MROH1: variants seen among roughly 807,000 people sequenced by gnomAD.
The protein encoded by MROH1 is maestro heat-like repeat-containing protein family member 1.
MROH1 carries 117 observed loss-of-function variants against 116.5 expected under a neutral mutation model. That is an observed-to-expected ratio of 1.00 (90% confidence interval 0.86 to 1.17). MROH1 has a LOEUF of 1.17. Among genes scored for constraint, MROH1 ranks in the 50% most tolerant of loss-of-function variants. MROH1 has a pLI of 0.00. For synonymous variants in MROH1, 921 were observed against 583.9 expected (o/e 1.58, Z -8.32); for missense variants, 1,873 against 1,338.5 (o/e 1.40, Z -6.23).
chr8:144,234,949 A>G (rs1307118360), intron 14 of MROH1, among the ~76,000 whole-genome samples: 5 of 137,748 alleles, frequency 3.6e-5, no homozygotes, highest in African/African-American at 5.6e-5. Context: ...CTGCAGTGCA[A>G]TGGCACCCTC....
At chr8:144,244,990 G>A (rs928010848) in intron 28 of MROH1, among the ~76,000 whole-genome samples, 166 bp from the exon 29 acceptor site, 5 of 152,188 alleles carry the variant, frequency 3.3e-5, no homozygotes, top group African/African-American at 4.8e-5. Flanking sequence ...AGGGCCAGAG[G>A]AGCTACGGTG....
intron 1 of MROH1, among the ~76,000 whole-genome samples, chr8:144,160,466 T>C (rs1263087333): frequency 6.6e-6 from 1 of 152,254 alleles, no homozygotes; most frequent in Non-Finnish European, 1.5e-5. Flanking sequence ...TTTGTCTTAG[T>C]TTTCTAATGC....
intron 12 of MROH1, among the ~76,000 whole-genome samples, chr8:144,206,685 A>T (rs534331747): frequency 6.6e-6 from 1 of 150,716 alleles, no homozygotes; most frequent in African/African-American, 2.4e-5. Context: ...CGGTCTCCCA[A>T]AGTGCTGGGA....
chr8:144,261,010 G>A lies in MROH1; in HGVS notation c.4640G>A (p.Gly1547Glu). The change falls in exon 41 of 44, where the codon GGG becomes GAG. Residue 1547 changes from glycine (G) to glutamate (E), a missense_variant. Coordinates refer to ENST00000326134, the MANE Select transcript of MROH1 (RefSeq NM_032450.3). ...HLQEGRALHF[G>E]EFLNTTCKHL... ...CAGGAGGGCCGAGCCCTGCACTTCGGGGAGTTCCTCAACACCACCTGCAAG... is the reference window on the plus strand; with the variant it reads ...CAGGAGGGCCGAGCCCTGCACTTCGAGGAGTTCCTCAACACCACCTGCAAG... 1.3e-6 allele frequency: 1 copy of A among 776,658 alleles called. No individual in the cohort carries two copies. The highest frequency in any genetic ancestry group is 1.3e-5 in the South Asian group (1 of 74,432). 48.1% of individuals were successfully genotyped at this position (776,658 alleles called of 1,614,324 possible).
At chr8:144,205,517 G>C (rs116730203) in intron 12 of MROH1, among the ~76,000 whole-genome samples, 1 of 148,594 alleles carries the variant, frequency 6.7e-6, no homozygotes, top group East Asian at 2.0e-4. Context: ...CATATATATA[G>C]ACACACACAC....
At chr8:144,235,051 C>T (rs560086052) in intron 14 of MROH1, among the ~76,000 whole-genome samples, 1 of 151,716 alleles carries the variant, frequency 6.6e-6, no homozygotes, top group African/African-American at 2.4e-5. Context: ...CGCCACCATG[C>T]CCAGCTGATT....
intron 3 of MROH1, among the ~76,000 whole-genome samples, chr8:144,164,918 G>A (rs1432713306): frequency 6.6e-6 from 1 of 152,174 alleles, no homozygotes; most frequent in Non-Finnish European, 1.5e-5. Flanking sequence ...ACTCATAGAT[G>A]GAGTCTCTTG....
rs1841553346 is a variant in MROH1 at position 144,244,533 on chromosome 8, G to T, written c.2760G>T (p.Met920Ile). 2.6e-6 allele frequency: 2 copies of T among 763,472 alleles called. No individual in the cohort carries two copies. The highest frequency in any genetic ancestry group is 1.8e-5 in the Admixed American group (1 of 57,058). The allele number at this position is 763,472 out of a possible 1,614,324, so 47.3% of individuals were successfully genotyped here. A position where few individuals can be genotyped will look rare whatever the true frequency, so the allele number is the denominator to read the frequency against. The change falls in exon 28 of 44, where the codon ATG (methionine) becomes ATT (isoleucine). Residue 920 changes from methionine (M) to isoleucine (I), a missense_variant. By Grantham distance (10) the Met-to-Ile change is conservative. Transcript: ENST00000326134. ...TGACCCCCCAAGGCCTGCAGATCAT[G>T]ATTGAGGTGTGCAGGGGGGAACTGT... The part of the protein sequence containing the change: ...RNMTPQGLQI[M>I]IEHLSPWIKS...
At chr8:144,197,027 G>A (rs76840368) in intron 10 of MROH1, among the ~76,000 whole-genome samples, 5 of 151,992 alleles carry the variant, frequency 3.3e-5, no homozygotes, top group Middle Eastern at 3.2e-3. Flanking sequence ...CCCAGGAGGC[G>A]GAGGTTGCAG....
chr8:144,174,576 C>T (rs1050746910), intron 4 of MROH1, among the ~76,000 whole-genome samples: 2 of 151,622 alleles, frequency 1.3e-5, no homozygotes, highest in South Asian at 2.1e-4. Context: ...CTTGATCTCC[C>T]GTACACAAGT....
At chr8:144,245,306 C>T (rs1207478689) in intron 29 of MROH1, 46 bp downstream of exon 29, 3 of 768,230 alleles carry the variant, frequency 3.9e-6, no homozygotes, top group Non-Finnish European at 7.2e-6. Context: ...CTGTGTTACT[C>T]ATGACCCAGA....
intron 33 of MROH1, chr8:144,254,463 G>A (rs2133245042): frequency 4.3e-6 from 1 of 232,082 alleles, no homozygotes; most frequent in East Asian, 1.0e-4. Context: ...TGCGCTCTTT[G>A]ACCCTGTGAC....
intron 1 of MROH1, among the ~76,000 whole-genome samples, chr8:144,156,773 T>G (rs113257678): frequency 8.4e-6 from 1 of 119,428 alleles, no homozygotes; most frequent in Admixed American, 1.2e-4. Context: ...GCTTTGTAGT[T>G]TAATTTCTTT....
rs1251995288 is a variant in MROH1, at chr8:144,158,753, T to TTA, written c.-176-2217_-176-2216insTA. Reference sequence around the variant, plus strand: ...GACTTCTTTTACACTTTTTTTTTTTTAATTTTTAGCGACAGGGTCTCACTC... The same window carrying TTA: ...GACTTCTTTTACACTTTTTTTTTTTTTAAATTTTTAGCGACAGGGTCTCACTC... On this transcript the variant is annotated intron_variant, in intron 1 of 43. Coordinates refer to ENST00000326134, the MANE Select transcript of MROH1 (RefSeq NM_032450.3). Among the ~76,000 whole-genome samples, 370 of 151,978 alleles carry TTA rather than the reference T, an allele frequency of 2.4e-3. 4 individuals carry two copies. Among genetic ancestry groups the TTA allele is most frequent in the African/African-American group, 8.3e-3 (345 of 41,392 alleles).
intron 1 of MROH1, among the ~76,000 whole-genome samples, chr8:144,151,259 A>C (rs1225843139): frequency 0.028 from 4,176 of 150,176 alleles, 73 homozygotes; most frequent in Non-Finnish European, 0.044. Flanking sequence ...AAAAAAAAAA[A>C]AAAAAAAAAA....
At chr8:144,195,110 G>A (rs567264826) in intron 10 of MROH1, among the ~76,000 whole-genome samples, 13 of 145,484 alleles carry the variant, frequency 8.9e-5, no homozygotes, top group East Asian at 2.0e-4. Context: ...TGGGAGGATC[G>A]CTTGAGCCCA....
intron 1 of MROH1, among the ~76,000 whole-genome samples, chr8:144,152,814 TG>T (rs1817163076): frequency 6.6e-6 from 1 of 152,192 alleles, no homozygotes; most frequent in Non-Finnish European, 1.5e-5. Flanking sequence ...CCCAAAGTTC[TG>T]GGATTACAGG....
intron 1 of MROH1, among the ~76,000 whole-genome samples, chr8:144,153,823 C>T (rs1437964572): frequency 1.7e-4 from 25 of 150,438 alleles, no homozygotes; most frequent in South Asian, 1.1e-3. Flanking sequence ...TGCAGTGGCA[C>T]GATCTTGGCT....
chr8:144,229,344 A>G (rs1025603484), intron 14 of MROH1, among the ~76,000 whole-genome samples: 3 of 150,444 alleles, frequency 2.0e-5, no homozygotes. Context: ...GAGAGAAATC[A>G]CTGTCTATGG....
Sources: gnomAD v4.1 joint callset for allele counts (sites outside exome capture counted in the v4.1 genomes callset) on GRCh38, gnomAD v4.1.1 for gene constraint, MANE v1.5 for transcripts, NCBI Gene and HGNC (gene_info 2026-07-23, HGNC 2026-07-21) for gene names.